The following FIBCD1 variants were observed in gnomAD, a reference collection of about 807,000 sequenced individuals.
FIBCD1 encodes fibrinogen C domain-containing protein 1.
Under a neutral mutation model 45.1 loss-of-function variants are expected in FIBCD1, and 47 were observed. The observed-to-expected ratio is 1.04, with a 90% CI of 0.82 to 1.33. The LOEUF is 1.33. Among genes scored for constraint, FIBCD1 ranks in the 40% most tolerant of loss-of-function variants. The probability of loss-of-function intolerance (pLI) is 0.00; values close to 1 mark genes in which losing one functional copy is unlikely to be tolerated. For missense variants in FIBCD1, 653 were observed against 682.2 expected (o/e 0.96, Z 0.48); for synonymous variants, 313 against 308.1 (o/e 1.02, Z -0.17).
chr9:130,936,072 A>C (rs1311700011), intron 1 of FIBCD1: 2 of 152,340 alleles, frequency 1.3e-5, no homozygotes, highest in South Asian at 2.1e-4. Flanking sequence ...ATGAGTACAC[A>C]GTGCTTTGCA....
rs1172098960 is a variant in FIBCD1 at position 130,929,999 on chromosome 9, A to G, written c.120T>C (p.Ala40=). 2.0e-6 allele frequency: 3 copies of G among 1,537,010 alleles called. No homozygotes were observed. In the South Asian group the frequency reaches 3.7e-5, roughly 19 times the overall value. ...YVLCTVLLAL[A]VLLAVAVTGA... is the part of the protein sequence containing the mutation. ...CGGTGACAGCTACAGCCAGCAGCAC[A>G]GCCAGGGCCAGCAGCACGGTGCACA... Residue 40 remains alanine, a synonymous_variant, in exon 2 of 7, where the codon GCT becomes GCC. Coordinates refer to ENST00000372338, the MANE Select transcript of FIBCD1 (RefSeq NM_032843.5).
At chr9:130,904,535 C>T (rs1180058244) in intron 6 of FIBCD1, among the ~76,000 whole-genome samples, 2 of 152,216 alleles carry the variant, frequency 1.3e-5, no homozygotes, top group African/African-American at 4.8e-5. Context: ...CGCACGCAGT[C>T]CCTTCTCGGG....
intron 4 of FIBCD1, among the ~76,000 whole-genome samples, chr9:130,921,288 G>T (rs528479708): frequency 6.6e-6 from 1 of 152,374 alleles, no homozygotes; most frequent in East Asian, 1.9e-4. Context: ...AGGATGGATG[G>T]TATCCAGGGC....
At chr9:130,920,220 A>C (rs966407647) in intron 4 of FIBCD1, among the ~76,000 whole-genome samples, 1 of 152,040 alleles carries the variant, frequency 6.6e-6, no homozygotes, top group Non-Finnish European at 1.5e-5. Flanking sequence ...CCCACTCGGC[A>C]CCTTCTGAAT....
chr9:130,928,417 C>T (rs1181734722), intron 2 of FIBCD1, among the ~76,000 whole-genome samples: 1 of 152,098 alleles, frequency 6.6e-6, no homozygotes, highest in Non-Finnish European at 1.5e-5. Flanking sequence ...TCAGGAGGTA[C>T]CCCCAGCCCC....
At chr9:130,911,485 C>G (rs1431394533) in intron 5 of FIBCD1, among the ~76,000 whole-genome samples, 1 of 152,218 alleles carries the variant, frequency 6.6e-6, no homozygotes, top group Non-Finnish European at 1.5e-5. Context: ...CCCAAGCTGG[C>G]TTGATTCAGG....
At chr9:130,908,779 A>T (rs1019501870) in intron 5 of FIBCD1, among the ~76,000 whole-genome samples, 2 of 152,018 alleles carry the variant, frequency 1.3e-5, no homozygotes, top group Non-Finnish European at 2.9e-5. Context: ...ACGGGGTGTG[A>T]CCTTCCCTGT....
In FIBCD1 at chr9:130,924,343, G is replaced by A. The variant is rs1340252236; in HGVS notation, c.606C>T (p.Asp202=). The stretch of plus-strand genomic sequence containing the variant: ...GGTCCCTCTGCAGGGCATCCAGGAT[G>A]TCGCTGACGGAGTTCACCAGGTGAG... ...HMAHLVNSVS[D]ILDALQRDRG... Residue 202 remains aspartate (D), a synonymous_variant, in exon 3 of 7, where the codon GAC becomes GAT. Coordinates refer to ENST00000372338, the MANE Select transcript of FIBCD1 (RefSeq NM_032843.5). 2 of 1,609,044 alleles carry A rather than the reference G, an allele frequency of 1.2e-6. No homozygotes were observed. The highest frequency in any genetic ancestry group is 1.7e-6 in the Non-Finnish European group (2 of 1,178,886).
chr9:130,938,288 G>T (rs1467064354), intron 1 of FIBCD1: 3 of 408,458 alleles, frequency 7.3e-6, no homozygotes, highest in Admixed American at 9.5e-5. Context: ...TGCTGGGGGT[G>T]CGGGGACGCG....
intron 2 of FIBCD1, among the ~76,000 whole-genome samples, chr9:130,927,633 G>C (rs539123148): frequency 6.6e-6 from 1 of 152,300 alleles, no homozygotes; most frequent in South Asian, 2.1e-4. Flanking sequence ...ACCCCGGCTG[G>C]GGGGCTGCAG....
At chr9:130,925,406 G>C (rs1488772310) in intron 2 of FIBCD1, among the ~76,000 whole-genome samples, 1 of 152,152 alleles carries the variant, frequency 6.6e-6, no homozygotes, top group Non-Finnish European at 1.5e-5. Context: ...GGGACGGGGC[G>C]GTGGTTTGGA....
At chr9:130,918,498 C>T (rs560523606) in intron 4 of FIBCD1, among the ~76,000 whole-genome samples, 4 of 152,358 alleles carry the variant, frequency 2.6e-5, no homozygotes, top group South Asian at 4.1e-4. Flanking sequence ...AAACCAGTTA[C>T]AGACAGGACT....
intron 5 of FIBCD1, among the ~76,000 whole-genome samples, chr9:130,906,644 T>C (rs1415016636): frequency 6.6e-6 from 1 of 152,172 alleles, no homozygotes; most frequent in Non-Finnish European, 1.5e-5. Context: ...GCTCTCCCTC[T>C]CTGGGCCCCA....
Position 130,924,193 on chromosome 9 carries a change from T to C in FIBCD1, c.712+44A>G, listed in dbSNP as rs1483703507. The stretch of plus-strand genomic sequence containing the variant: ...CCCCAACTTCCCCGCTCCCCAGAGC[T>C]GGGACCCGAGGCACCGGAGGAAGGC... On this transcript the variant is annotated intron_variant, in intron 3 of 6. Coordinates refer to ENST00000372338, the MANE Select transcript of FIBCD1 (RefSeq NM_032843.5). 4 of 1,518,070 alleles carry C rather than the reference T, an allele frequency of 2.6e-6. No individual in the cohort carries two copies. The East Asian group carries it at 9.3e-5, about 35-fold the overall frequency. The allele number at this position is 1,518,070 out of a possible 1,614,324, so 94.0% of individuals were successfully genotyped here.
rs183678769 is a variant in FIBCD1, at chr9:130,927,683, T to G, written c.552+1884A>C. ...GGCCCAGGAACTTGCCTTTTCCTTTTTTTGAGACAGAGTCTCGCTCTGTTG... is the reference window on the plus strand; with the variant it reads ...GGCCCAGGAACTTGCCTTTTCCTTTGTTTGAGACAGAGTCTCGCTCTGTTG... On this transcript the variant is annotated intron_variant, in intron 2 of 6. Transcript: ENST00000372338. Among the ~76,000 whole-genome samples the G allele has an allele frequency of 1.2e-4, 19 of 152,372 alleles. No individual in the cohort carries two copies. The East Asian group carries it at 3.7e-3, about 29-fold the overall frequency.
chr9:130,939,225 TG>T lies in FIBCD1; in HGVS notation c.-619del. 2 of 151,778 alleles carry T rather than the reference TG, an allele frequency of 1.3e-5. No homozygotes were observed. The highest frequency in any genetic ancestry group is 2.9e-5 in the Non-Finnish European group (2 of 67,892). The allele number at this position is 151,778 out of a possible 1,614,324, so 9.4% of individuals were successfully genotyped here. On this transcript the variant is annotated 5_prime_UTR_variant, in exon 1 of 7. Coordinates refer to ENST00000372338, the MANE Select transcript of FIBCD1 (RefSeq NM_032843.5). ...CGGACCGGACTCACACAAGTCACCA[TG>T]CGCGGGGCGGGCCCCGAGGGCGCCC...
At chr9:130,914,540 G>T (rs540785311) in intron 4 of FIBCD1, among the ~76,000 whole-genome samples, 1 of 152,240 alleles carries the variant, frequency 6.6e-6, no homozygotes, top group East Asian at 1.9e-4. Context: ...GCCACAGTGC[G>T]GGTAGTGGGG....
chr9:130,911,355 ACACT>A (rs1564334060), intron 5 of FIBCD1, among the ~76,000 whole-genome samples: 3 of 152,178 alleles, frequency 2.0e-5, no homozygotes, highest in Admixed American at 6.5e-5. Flanking sequence ...AATTCTGGAC[ACACT>A]CAGCACCACT....
Position 130,926,770 on chromosome 9 carries a change from C to T in FIBCD1, c.553-2374G>A, listed in dbSNP as rs553152146. Among the ~76,000 whole-genome samples, 1 of 152,068 alleles carries T rather than the reference C, an allele frequency of 6.6e-6. No individual in the cohort carries two copies. The highest frequency in any genetic ancestry group is 2.4e-5 in the African/African-American group (1 of 41,470). On this transcript the variant is annotated intron_variant, in intron 2 of 6. Coordinates refer to ENST00000372338, the MANE Select transcript of FIBCD1 (RefSeq NM_032843.5). The surrounding 1 kb of genome is among the most constrained non-coding windows in gnomAD (Gnocchi z 4.1). ...CTGGGAGGCGGAGGTTGCAGTGAGC[C>T]GAGATTGAACCACTGCACTCCAGCT... is the stretch of plus-strand genomic sequence containing the variant.
Sources: allele counts gnomAD v4.1 joint callset (sites outside exome capture counted in the v4.1 genomes callset), GRCh38; gene constraint gnomAD v4.1.1; non-coding constraint Gnocchi (gnomAD v3.1); transcripts MANE v1.5; gene names NCBI Gene and HGNC (gene_info 2026-07-23, HGNC 2026-07-21).